FAM186A: variants seen among roughly 807,000 people sequenced by gnomAD.
FAM186A encodes the protein family with sequence similarity 186 member A.
A neutral mutation model predicts 216.8 loss-of-function variants in FAM186A; 163 were observed. The observed-to-expected ratio is 0.75, with a 90% confidence interval of 0.66 to 0.86. The LOEUF (loss-of-function observed/expected upper bound fraction) is 0.86, where lower values mean the gene tolerates loss of function less well. FAM186A is among the 40% of genes least tolerant of loss of function. The probability of loss-of-function intolerance (pLI) is 0.00; values close to 1 mark genes in which losing one functional copy is unlikely to be tolerated. For missense variants in FAM186A, 2,184 were observed against 2,746.2 expected, an observed-to-expected ratio of 0.80 and a Z score of 4.58; for synonymous variants, 805 against 1,025.3, an observed-to-expected ratio of 0.79 and a Z score of 4.10.
intron 4 of FAM186A, among the ~76,000 whole-genome samples, chr12:50,336,505 A>G (rs1942709810): frequency 6.6e-6 from 1 of 152,082 alleles, no homozygotes. Flanking sequence ...GTCCTTCTCC[A>G]TACCTTTTGA....
At chr12:50,394,497 T>C (rs1453337611) in intron 1 of FAM186A, among the ~76,000 whole-genome samples, 3 of 151,786 alleles carry the variant, frequency 2.0e-5, no homozygotes, top group African/African-American at 4.8e-5. Context: ...GAGGTTGCAG[T>C]GAGCCAAGAT....
At chr12:50,377,573 C>T (rs1943209641) in intron 1 of FAM186A, among the ~76,000 whole-genome samples, 1 of 152,172 alleles carries the variant, frequency 6.6e-6, no homozygotes, top group Non-Finnish European at 1.5e-5. Context: ...TGGCTCACGC[C>T]TGTAATCCTA....
Position 50,353,900 on chromosome 12 carries a change from G to C in FAM186A, c.2932C>G (p.Leu978Val), listed in dbSNP as rs764385921. 5 of 1,552,210 alleles carry C rather than the reference G, an allele frequency of 3.2e-6. No individual in the cohort carries two copies. Among genetic ancestry groups the C allele is most frequent in the African/African-American group, 1.4e-5 (1 of 72,946 alleles). The change falls in exon 4 of 8, where the codon CTC (leucine) becomes GTC (valine). Residue 978 changes from leucine (L) to valine (V), a missense_variant. Transcript: ENST00000327337. ...KQKPERGLED[L>V]ERQIKTKDQM... is the part of the protein sequence containing the mutation. Reference sequence around the variant, plus strand: ...TCCTTTGTTTTGATCTGCCTTTCGAGGTCCTCTAGCCCTCTCTCTGGCTTC... The same window carrying C: ...TCCTTTGTTTTGATCTGCCTTTCGACGTCCTCTAGCCCTCTCTCTGGCTTC...
Position 50,380,273 on chromosome 12 carries a change from A to G in FAM186A, c.192+16020T>C, listed in dbSNP as rs142047195. Among the ~76,000 whole-genome samples the G allele has an allele frequency of 2.2e-3, 331 of 152,340 alleles. 1 individual carries two copies. Among genetic ancestry groups the G allele is most frequent in the Middle Eastern group, 0.014 (4 of 294 alleles). On this transcript the variant is annotated intron_variant, in intron 1 of 7. Transcript: ENST00000327337. ...TTAAATATAAAACAATGGTACATAA[A>G]TGCAGTGCTACTTAATAAATGTCCT...
At chr12:50,335,744 C>T (rs1192311721) in intron 4 of FAM186A, among the ~76,000 whole-genome samples, 2 of 151,720 alleles carry the variant, frequency 1.3e-5, no homozygotes, top group Non-Finnish European at 2.9e-5. Flanking sequence ...TAGGACACTA[C>T]GTTACTTGTA....
chr12:50,389,000 ACACGAGATCGTGC>A (rs1307769958), intron 1 of FAM186A, among the ~76,000 whole-genome samples: 1 of 151,976 alleles, frequency 6.6e-6, no homozygotes, highest in Non-Finnish European at 1.5e-5. Flanking sequence ...GGTTGCAGTG[ACACGAGATCGTGC>A]CACTACACTC....
chr12:50,364,488 G>A (rs776639026), intron 1 of FAM186A, among the ~76,000 whole-genome samples: 14 of 151,764 alleles, frequency 9.2e-5, no homozygotes, highest in Non-Finnish European at 1.9e-4. Flanking sequence ...AACCCGGGAG[G>A]TGGAGCTTAC....
chr12:50,333,146 A>C (rs1035017337), intron 5 of FAM186A, among the ~76,000 whole-genome samples: 1 of 152,258 alleles, frequency 6.6e-6, no homozygotes, highest in South Asian at 2.1e-4. Context: ...CAAAGTAGCA[A>C]GTAAACTAAT....
intron 1 of FAM186A, chr12:50,365,751 C>T: frequency 1.3e-6 from 1 of 754,376 alleles, no homozygotes; most frequent in Non-Finnish European, 2.4e-6. Flanking sequence ...GTCTTCCCCT[C>T]TTTCCGAAGA....
At chr12:50,359,853 G>C (rs1943015199) in intron 3 of FAM186A, among the ~76,000 whole-genome samples, 1 of 152,360 alleles carries the variant, frequency 6.6e-6, no homozygotes. Context: ...GTGTGAGAGA[G>C]AATACATTAG....
At chr12:50,391,302 T>A (rs1389619697) in intron 1 of FAM186A, among the ~76,000 whole-genome samples, 3 of 150,926 alleles carry the variant, frequency 2.0e-5, no homozygotes, top group Admixed American at 1.3e-4. Context: ...CCTTATTTTA[T>A]TTTTTTATTT....
chr12:50,353,962 C>T lies in FAM186A; in HGVS notation c.2870G>A (p.Gly957Glu). The T allele has an allele frequency of 1.3e-6, 2 of 1,553,398 alleles. No individual in the cohort carries two copies. Among genetic ancestry groups the T allele is most frequent in the Non-Finnish European group, 1.7e-6 (2 of 1,148,008 alleles). Residue 957 changes from glycine to glutamate, a missense_variant, in exon 4 of 8, where the codon GGG becomes GAG. Transcript: ENST00000327337. ...RQIQKEAKHL[G>E]PHRRREKGKE... The stretch of plus-strand genomic sequence containing the variant: ...CCCTTTCTCCCTTCTCCTGTGTGGC[C>T]CCAAATGTTTCGCTTCCTTCTGAAT...
Position 50,396,606 on chromosome 12 carries a change from C to T in FAM186A, c.-122G>A. The T allele has an allele frequency of 1.1e-6, 1 of 921,090 alleles. No homozygotes were observed. Among genetic ancestry groups the T allele is most frequent in the Non-Finnish European group, 1.6e-6 (1 of 626,318 alleles). The allele number at this position is 921,090 out of a possible 1,614,324, so 57.1% of individuals were successfully genotyped here. Reference sequence around the variant, plus strand: ...TCCTGATCCTAGAAGTTGTGGCATACTCTGCTACTAATTGGTGGCTCCCAT... The same window carrying T: ...TCCTGATCCTAGAAGTTGTGGCATATTCTGCTACTAATTGGTGGCTCCCAT... On this transcript the variant is annotated 5_prime_UTR_variant, in exon 1 of 8. Coordinates refer to ENST00000327337, the MANE Select transcript of FAM186A (RefSeq NM_001145475.3).
rs566094479 is a variant in FAM186A at position 50,352,651 on chromosome 12, G to A, written c.4181C>T (p.Ala1394Val). ...GIPLTPQQAQ[A>V]LGMPLTTQQA... ...CTGAGTGGTGAGAGGCATCCCCAAG[G>A]CCTGAGCCTGCTGAGGGGTGAGAGG... is the stretch of plus-strand genomic sequence containing the variant. The change falls in exon 4 of 8, where the codon GCC (alanine) becomes GTC (valine). Residue 1394 changes from alanine (A) to valine (V), a missense_variant. Around this residue, in one of 7 missense-constraint regions of FAM186A, gnomAD observed 267 missense variants for 446.2 expected, o/e 0.60. Transcript: ENST00000327337. The A allele has an allele frequency of 6.6e-7, 1 of 1,522,220 alleles. No homozygotes were observed. The highest frequency in any genetic ancestry group is 1.5e-5 in the African/African-American group (1 of 68,582). The allele number at this position is 1,522,220 out of a possible 1,614,324, so 94.3% of individuals were successfully genotyped here. A position where few individuals can be genotyped will look rare whatever the true frequency, so the allele number is the denominator to read the frequency against.
intron 5 of FAM186A, among the ~76,000 whole-genome samples, chr12:50,332,624 G>A (rs1262865912): frequency 2.0e-5 from 3 of 152,074 alleles, no homozygotes; most frequent in East Asian, 3.8e-4. Context: ...GTTAGATAAC[G>A]CATGTTGCTG....
At chr12:50,364,584 AAAAATAAAAAT>A (rs1943069804) in intron 1 of FAM186A, among the ~76,000 whole-genome samples, 1 of 123,700 alleles carries the variant, frequency 8.1e-6, no homozygotes, top group South Asian at 2.5e-4. Context: ...TAAATAAAAT[AAAAATAAAAAT>A]AAAATAATAT....
intron 7 of FAM186A, among the ~76,000 whole-genome samples, chr12:50,328,068 G>GA (rs917205561): frequency 7.9e-5 from 12 of 152,022 alleles, no homozygotes; most frequent in Non-Finnish European, 1.6e-4. Context: ...TAGGCAATTG[G>GA]AAAAAACTGA....
intron 4 of FAM186A, among the ~76,000 whole-genome samples, chr12:50,335,666 T>C (rs1942701027): frequency 2.0e-5 from 3 of 149,764 alleles, no homozygotes; most frequent in Non-Finnish European, 3.0e-5. Context: ...AAATGACACA[T>C]AGAAAGTACT....
chr12:50,334,034 G>A lies in FAM186A; in HGVS notation c.6573C>T (p.His2191=). The A allele has an allele frequency of 6.4e-7, 1 of 1,551,668 alleles. No homozygotes were observed. The highest frequency in any genetic ancestry group is 8.7e-7 in the Non-Finnish European group (1 of 1,146,982). The change falls in exon 5 of 8, where the codon CAC becomes CAT. Residue 2191 remains histidine, a synonymous_variant. Transcript: ENST00000327337. ...TGKGYEARNL[H]MMLSRLDDYG... ...AGTCATCAAGTCTGCTCAGCATCATGTGGAGGTTCCTGGCCTCATAGCCTT... is the reference window on the plus strand; with the variant it reads ...AGTCATCAAGTCTGCTCAGCATCATATGGAGGTTCCTGGCCTCATAGCCTT...
Sources: allele counts gnomAD v4.1 joint callset (sites outside exome capture counted in the v4.1 genomes callset), GRCh38; gene constraint gnomAD v4.1.1; regional missense constraint gnomAD v4.1.1; transcripts MANE v1.5; gene names NCBI Gene and HGNC (gene_info 2026-07-23, HGNC 2026-07-21).